Variants in CA7 observed in about 807,000 individuals in gnomAD.
CA7 encodes the protein carbonic anhydrase 7.
A neutral mutation model predicts 31.4 loss-of-function variants in CA7; 13 were observed. The observed-to-expected ratio is 0.41, with a 90% CI of 0.27 to 0.66. The LOEUF (loss-of-function observed/expected upper bound fraction) is 0.66. Ranked by LOEUF, CA7 falls within the 30% of genes least tolerant of loss-of-function variation. The pLI, the probability that CA7 is intolerant of heterozygous loss-of-function variation, is 0.28. For synonymous variants in CA7, 128 were observed against 133.2 expected, an observed-to-expected ratio of 0.96 and a Z score of 0.27; for missense variants, 215 against 351.0, an observed-to-expected ratio of 0.61 and a Z score of 3.10.
chr16:66,852,380 T>C (rs1454997566), intron 5 of CA7, among the ~76,000 whole-genome samples: 1 of 151,650 alleles, frequency 6.6e-6, no homozygotes, highest in Non-Finnish European at 1.5e-5. Context: ...GGAGAATTGC[T>C]TGAACCCAAG....
intron 1 of CA7, chr16:66,845,158 T>A: frequency 1.0e-6 from 1 of 985,612 alleles, no homozygotes; most frequent in East Asian, 1.1e-4. Flanking sequence ...ACCAGCCTCC[T>A]GGGCTGACGC....
rs762529587 is a variant in CA7 at position 66,847,153 on chromosome 16, C to A, written c.164C>A (p.Ala55Asp). Residue 55 changes from alanine (A) to aspartate (D), a missense_variant, in exon 2 of 7, where the codon GCC becomes GAC. Ala to Asp is a moderately radical substitution (Grantham distance 126). Coordinates refer to ENST00000338437, the MANE Select transcript of CA7 (RefSeq NM_005182.3). ...SLQPLELSYEACMSLSITNNG... is the reference protein window; with the variant it reads ...SLQPLELSYEDCMSLSITNNG... ...CAACCACTGGAGCTTTCCTATGAGG[C>A]CTGCATGTCCCTCAGCATCACCAAC... is the stretch of plus-strand genomic sequence containing the variant. The A allele has an allele frequency of 4.3e-6, 7 of 1,614,230 alleles. No individual in the cohort carries two copies. Among genetic ancestry groups the A allele is most frequent in the Non-Finnish European group, 5.1e-6 (6 of 1,180,032 alleles).
intron 5 of CA7, 24 bp downstream of exon 5, chr16:66,851,750 A>G (rs774517383): frequency 2.5e-6 from 4 of 1,603,712 alleles, no homozygotes; most frequent in African/African-American, 2.7e-5. Flanking sequence ...CCCTGACCCA[A>G]GCAGCCCGAT....
rs1961073014 is a variant in CA7, at chr16:66,852,305, A to T, written c.517-407A>T. 5.3e-5 allele frequency among the ~76,000 whole-genome samples: 8 copies of T among 152,030 alleles called. No homozygotes were observed. In the South Asian group the frequency reaches 1.7e-3, roughly 32 times the overall value. ...TGGTGAAACCCTGTCTCTACTAAACATACAAAAATTAGCCAGGTATGGTGG... is the reference window on the plus strand; with the variant it reads ...TGGTGAAACCCTGTCTCTACTAAACTTACAAAAATTAGCCAGGTATGGTGG... On this transcript the variant is annotated intron_variant, in intron 5 of 6. Coordinates refer to ENST00000338437, the MANE Select transcript of CA7 (RefSeq NM_005182.3).
Sources: gnomAD v4.1 joint callset for allele counts (sites outside exome capture counted in the v4.1 genomes callset) on GRCh38, gnomAD v4.1.1 for gene constraint, MANE v1.5 for transcripts, NCBI Gene and HGNC (gene_info 2026-07-23, HGNC 2026-07-21) for gene names.